NRXN3: variants seen among roughly 807,000 people sequenced by gnomAD.
NRXN3 encodes the protein neurexin III.
A neutral mutation model predicts 137.6 loss-of-function variants in NRXN3; 32 were observed. The ratio of observed to expected loss-of-function variants is 0.23; its 90% CI spans 0.18 to 0.31. NRXN3 has a LOEUF of 0.31. Ranked by LOEUF, NRXN3 falls within the 10% of genes least tolerant of loss-of-function variation. The pLI is 1.00. For missense variants in NRXN3, 1,574 were observed against 2,062.5 expected (o/e 0.76, Z 4.59); for synonymous variants, 798 against 784.5 (o/e 1.02, Z -0.29).
Position 79,391,407 on chromosome 14 carries a change from T to C in NRXN3, c.3263-75814T>C, listed in dbSNP as rs150156252. Reference sequence around the variant, plus strand: ...TCTTGGACAGCCTGTTAGGCCTTTTTGGCTTCCACTTTTCTTGTCTTTAAA... The same window carrying C: ...TCTTGGACAGCCTGTTAGGCCTTTTCGGCTTCCACTTTTCTTGTCTTTAAA... On this transcript the variant is annotated intron_variant, in intron 15 of 20. Coordinates refer to ENST00000335750, the MANE Select transcript of NRXN3 (RefSeq NM_001330195.2). Among the ~76,000 whole-genome samples, 3 of 152,322 alleles carry C rather than the reference T, an allele frequency of 2.0e-5. No individual in the cohort carries two copies. In the East Asian group the frequency reaches 5.8e-4, roughly 29 times the overall value.
At chr14:79,137,692 A>G (rs141324833) in intron 15 of NRXN3, among the ~76,000 whole-genome samples, 1 of 152,224 alleles carries the variant, frequency 6.6e-6, no homozygotes, top group Non-Finnish European at 1.5e-5. Flanking sequence ...CTGGATAAAG[A>G]TAGTAAGGCT....
At chr14:79,610,004 G>A (rs1006031053) in intron 16 of NRXN3, among the ~76,000 whole-genome samples, 4 of 152,018 alleles carry the variant, frequency 2.6e-5, no homozygotes, top group Non-Finnish European at 2.9e-5. Context: ...TGTAGATTAC[G>A]GGTTGATGGG....
At chr14:79,486,271 G>T (rs1241927823) in intron 16 of NRXN3, among the ~76,000 whole-genome samples, 1 of 152,010 alleles carries the variant, frequency 6.6e-6, no homozygotes, top group Non-Finnish European at 1.5e-5. Context: ...AATGTTTTTG[G>T]TTGTCTATAC....
chr14:79,558,010 T>C (rs1443581064), intron 16 of NRXN3, among the ~76,000 whole-genome samples: 1 of 152,138 alleles, frequency 6.6e-6, no homozygotes, highest in Non-Finnish European at 1.5e-5. Flanking sequence ...AAAAGTAGAT[T>C]CCATTTTAAG....
chr14:79,311,036 T>G (rs1456770238), intron 15 of NRXN3, among the ~76,000 whole-genome samples: 1 of 124,528 alleles, frequency 8.0e-6, no homozygotes, highest in Non-Finnish European at 1.6e-5. Context: ...ATGCTTCCAG[T>G]TTTTGCCCAT....
intron 4 of NRXN3, among the ~76,000 whole-genome samples, chr14:78,569,554 C>T (rs761639476): frequency 1.0e-4 from 15 of 149,652 alleles, no homozygotes; most frequent in Admixed American, 6.1e-4. Flanking sequence ...GGTGAGCCAC[C>T]GCGTCCGGCC....
chr14:79,500,356 C>T (rs2153671395), intron 16 of NRXN3, among the ~76,000 whole-genome samples: 2 of 152,002 alleles, frequency 1.3e-5, no homozygotes, highest in South Asian at 4.2e-4. Flanking sequence ...TGTTCTTCTC[C>T]TTCATCTTGA....
At chr14:79,182,145 A>G (rs1199656692) in intron 15 of NRXN3, among the ~76,000 whole-genome samples, 1 of 152,056 alleles carries the variant, frequency 6.6e-6, no homozygotes, top group Admixed American at 6.6e-5. Context: ...ATACTTACTG[A>G]GTACCTAGCA....
intron 15 of NRXN3, among the ~76,000 whole-genome samples, chr14:79,127,558 A>T (rs954593282): frequency 6.6e-6 from 1 of 152,196 alleles, no homozygotes; most frequent in Non-Finnish European, 1.5e-5. Context: ...TACCAGTACC[A>T]TGCTGTTTTG....
chr14:78,737,984 A>C (rs2098548525), intron 8 of NRXN3, among the ~76,000 whole-genome samples: 1 of 152,164 alleles, frequency 6.6e-6, no homozygotes, highest in Non-Finnish European at 1.5e-5. Context: ...CAATGGGGCC[A>C]AGAAAACCCA....
chr14:79,530,191 C>T (rs898450665), intron 16 of NRXN3, among the ~76,000 whole-genome samples: 1 of 151,986 alleles, frequency 6.6e-6, no homozygotes, highest in Non-Finnish European at 1.5e-5. Context: ...CCAGAGTCCC[C>T]ACCTATAATC....
chr14:78,984,437 T>G (rs1236217776), intron 14 of NRXN3, among the ~76,000 whole-genome samples: 2 of 152,202 alleles, frequency 1.3e-5, no homozygotes, highest in South Asian at 2.1e-4. Context: ...AGAGTAAAAG[T>G]TCTGCTAATG....
intron 15 of NRXN3, among the ~76,000 whole-genome samples, chr14:79,218,153 C>A (rs1033810216): frequency 6.6e-6 from 1 of 152,058 alleles, no homozygotes; most frequent in African/African-American, 2.4e-5. Context: ...TATTTTGTTT[C>A]AACTAGATGT....
chr14:79,776,463 C>T (rs1337597654), intron 19 of NRXN3, among the ~76,000 whole-genome samples: 1 of 152,196 alleles, frequency 6.6e-6, no homozygotes, highest in Non-Finnish European at 1.5e-5. Flanking sequence ...ACAAAACTCT[C>T]CAAAATCAGG....
rs76514962 is a variant in NRXN3 at position 79,125,658 on chromosome 14, C to G, written c.3262+137517C>G. Among the ~76,000 whole-genome samples, 335 of 152,262 alleles carry G rather than the reference C, an allele frequency of 2.2e-3. 3 individuals are homozygous for G. In the East Asian group the frequency reaches 0.035, roughly 16 times the overall value. On this transcript the variant is annotated intron_variant, in intron 15 of 20. Coordinates refer to ENST00000335750, the MANE Select transcript of NRXN3 (RefSeq NM_001330195.2). ...TTGCAACAAGATTGTCATCAGCACC[C>G]CTTTCACTATGCTTGGCCTCTATAT...
chr14:79,048,977 C>A (rs1456912953), intron 15 of NRXN3, among the ~76,000 whole-genome samples: 2 of 119,642 alleles, frequency 1.7e-5, no homozygotes, highest in Non-Finnish European at 3.2e-5. Flanking sequence ...GAGTCGAGAT[C>A]GCGCCACTGC....
chr14:79,504,598 A>C (rs1044675101), intron 16 of NRXN3, among the ~76,000 whole-genome samples: 8 of 143,124 alleles, frequency 5.6e-5, no homozygotes, highest in African/African-American at 1.8e-4. Flanking sequence ...TCCATAGATA[A>C]TTTAACTTCT....
intron 17 of NRXN3, among the ~76,000 whole-genome samples, 162 bp downstream of exon 17, chr14:79,664,111 A>G (rs1349928211): frequency 6.6e-6 from 1 of 152,148 alleles, no homozygotes; most frequent in Admixed American, 6.6e-5. Context: ...TTAGGACTTG[A>G]TCCAGTATAG....
At chr14:79,038,463 G>A (rs559221163) in intron 15 of NRXN3, among the ~76,000 whole-genome samples, 2 of 152,228 alleles carry the variant, frequency 1.3e-5, no homozygotes, top group African/African-American at 4.8e-5. Context: ...TTTTTTGAAT[G>A]TGGCTATTCA....
Sources: gnomAD v4.1 joint callset for allele counts (sites outside exome capture counted in the v4.1 genomes callset) on GRCh38, gnomAD v4.1.1 for gene constraint, MANE v1.5 for transcripts, NCBI Gene and HGNC (gene_info 2026-07-23, HGNC 2026-07-21) for gene names.